PTPN4: variants seen among roughly 807,000 people sequenced by gnomAD.
The protein encoded by PTPN4 is tyrosine-protein phosphatase non-receptor type 4.
A neutral mutation model predicts 135.5 loss-of-function variants in PTPN4; 49 were observed. The ratio of observed to expected loss-of-function variants is 0.36; its 90% CI spans 0.29 to 0.46. The LOEUF (loss-of-function observed/expected upper bound fraction) is 0.46, where lower values mean the gene tolerates loss of function less well. Among genes scored for constraint, PTPN4 ranks in the 20% least tolerant of loss-of-function variants. The pLI is 1.00. For synonymous variants in PTPN4, 333 were observed against 369.9 expected (o/e 0.90, Z 1.14); for missense variants, 860 against 1,101.0 (o/e 0.78, Z 3.10).
chr2:119,882,752 A>C, intron 8 of PTPN4, 129 bp downstream of exon 8: 1 of 799,202 alleles, frequency 1.3e-6, no homozygotes, highest in Non-Finnish European at 1.8e-6. Context: ...TAATATTATC[A>C]TAAAGAAATA....
At chr2:119,917,017 A>T (rs1678663471) in intron 11 of PTPN4, among the ~76,000 whole-genome samples, 1 of 152,198 alleles carries the variant, frequency 6.6e-6, no homozygotes, top group Admixed American at 6.5e-5. Context: ...TAATATTGTT[A>T]TCTGGAAACT....
At chr2:119,857,403 G>A (rs189857984) in intron 2 of PTPN4, among the ~76,000 whole-genome samples, 22 of 151,766 alleles carry the variant, frequency 1.4e-4, no homozygotes, top group Admixed American at 1.2e-3. Context: ...GCTTGGTCGC[G>A]TGTGCCTGTA....
intron 1 of PTPN4, among the ~76,000 whole-genome samples, chr2:119,804,046 G>A (rs1356594145): frequency 6.6e-6 from 1 of 151,992 alleles, no homozygotes; most frequent in Non-Finnish European, 1.5e-5. Flanking sequence ...TATGTGAGGA[G>A]AGTTTCTGGA....
intron 2 of PTPN4, among the ~76,000 whole-genome samples, chr2:119,853,589 ATATAAT>A (rs1677629451): frequency 6.6e-6 from 1 of 152,108 alleles, no homozygotes; most frequent in South Asian, 2.1e-4. Flanking sequence ...CCCCTTTATA[ATATAAT>A]TATAATAGTA....
intron 3 of PTPN4, among the ~76,000 whole-genome samples, chr2:119,873,194 GTTT>G (rs951775157): frequency 6.7e-6 from 1 of 150,116 alleles, no homozygotes; most frequent in African/African-American, 2.5e-5. Flanking sequence ...TGTTGTTGTT[GTTT>G]TTTTTGTAGA....
chr2:119,955,006 C>T (rs1245040489), intron 19 of PTPN4, 151 bp from the exon 20 acceptor site: 3 of 659,372 alleles, frequency 4.5e-6, no homozygotes, highest in East Asian at 5.9e-5. Context: ...TTCTGTCCCC[C>T]CATAGTGACA....
intron 5 of PTPN4, among the ~76,000 whole-genome samples, chr2:119,878,851 T>G (rs938211820): frequency 6.6e-6 from 1 of 152,024 alleles, no homozygotes; most frequent in Non-Finnish European, 1.5e-5. Flanking sequence ...CCCAGCACTT[T>G]GGGAGGCCAA....
chr2:119,897,406 TG>T (rs1224276203), intron 9 of PTPN4, among the ~76,000 whole-genome samples: 1 of 152,210 alleles, frequency 6.6e-6, no homozygotes, highest in Non-Finnish European at 1.5e-5. Flanking sequence ...TTATTCCTAC[TG>T]GGTTGGTCAT....
chr2:119,914,961 G>T (rs891660140), intron 10 of PTPN4, among the ~76,000 whole-genome samples: 3 of 152,028 alleles, frequency 2.0e-5, no homozygotes, highest in Non-Finnish European at 4.4e-5. Flanking sequence ...CTGTTTTTAA[G>T]TATTTCTGTA....
At chr2:119,867,768 G>T (rs1677853179) in intron 3 of PTPN4, among the ~76,000 whole-genome samples, 1 of 152,098 alleles carries the variant, frequency 6.6e-6, no homozygotes. Flanking sequence ...TATTAACCTT[G>T]TATCTTGAGA....
intron 15 of PTPN4, among the ~76,000 whole-genome samples, chr2:119,937,979 T>C (rs1397436781): frequency 1.3e-5 from 2 of 151,384 alleles, no homozygotes; most frequent in Admixed American, 1.3e-4. Context: ...AAGGTCAGAG[T>C]TTAAGATAAG....
chr2:119,961,740 A>AT lies in PTPN4; in HGVS notation c.2280+788dup, dbSNP rs145033840. 1.6e-3 allele frequency among the ~76,000 whole-genome samples: 243 copies of AT among 152,362 alleles called. 1 individual carries two copies. Among genetic ancestry groups the AT allele is most frequent in the African/African-American group, 5.4e-3 (225 of 41,598 alleles). On this transcript the variant is annotated intron_variant, in intron 23 of 26. Transcript: ENST00000263708. ...ACGAAGTAGTGATACATACTACAGC[A>AT]TGGGTAAACCTGGAAAACACTTAGC...
At chr2:119,911,168 T>C (rs902374578) in intron 10 of PTPN4, among the ~76,000 whole-genome samples, 2 of 145,476 alleles carry the variant, frequency 1.4e-5, no homozygotes, top group African/African-American at 5.3e-5. Flanking sequence ...ATGTGATTAT[T>C]ACCTTGATGT....
At chr2:119,886,521 C>A (rs1395957741) in intron 9 of PTPN4, among the ~76,000 whole-genome samples, 1 of 152,074 alleles carries the variant, frequency 6.6e-6, no homozygotes, top group Non-Finnish European at 1.5e-5. Flanking sequence ...TTCTTGAGTT[C>A]TCTATCAAAA....
At chr2:119,796,878 G>C (rs1030414880) in intron 1 of PTPN4, among the ~76,000 whole-genome samples, 2 of 151,834 alleles carry the variant, frequency 1.3e-5, no homozygotes, top group African/African-American at 4.8e-5. Context: ...GTGTGTGTGT[G>C]TGTGTGTGTG....
chr2:119,774,287 G>A (rs1690789964), intron 1 of PTPN4, among the ~76,000 whole-genome samples: 1 of 152,202 alleles, frequency 6.6e-6, no homozygotes. Context: ...TGAATGGCTT[G>A]ATATGTACCA....
At chr2:119,782,647 AGTT>A (rs776365457) in intron 1 of PTPN4, among the ~76,000 whole-genome samples, 2 of 151,638 alleles carry the variant, frequency 1.3e-5, no homozygotes, top group Non-Finnish European at 2.9e-5. Context: ...TAGATATTAC[AGTT>A]GTTGTGACAT....
intron 5 of PTPN4, 114 bp downstream of exon 5, chr2:119,877,656 G>C (rs1678005153): frequency 7.6e-7 from 1 of 1,314,740 alleles, no homozygotes; most frequent in Non-Finnish European, 1.0e-6. Flanking sequence ...TTTCCAGTCA[G>C]TACACAGAAT....
intron 2 of PTPN4, among the ~76,000 whole-genome samples, chr2:119,821,936 T>A (rs1423467162): frequency 2.6e-5 from 4 of 152,230 alleles, no homozygotes; most frequent in Non-Finnish European, 4.4e-5. Context: ...ATTGTTTATG[T>A]ATGACGTATT....
Sources: gnomAD v4.1 joint callset for allele counts (sites outside exome capture counted in the v4.1 genomes callset) on GRCh38, gnomAD v4.1.1 for gene constraint, MANE v1.5 for transcripts, NCBI Gene and HGNC (gene_info 2026-07-23, HGNC 2026-07-21) for gene names.